LNX1: variants seen among roughly 807,000 people sequenced by gnomAD.
The protein encoded by LNX1 is E3 ubiquitin-protein ligase LNX.
A neutral mutation model predicts 68.4 loss-of-function variants in LNX1; 54 were observed. The ratio of observed to expected loss-of-function variants is 0.79; its 90% CI spans 0.63 to 0.99. The LOEUF (loss-of-function observed/expected upper bound fraction) is 0.99. Ranked by LOEUF, LNX1 falls within the 50% of genes least tolerant of loss-of-function variation. The pLI is 0.00. For synonymous variants in LNX1, 336 were observed against 350.0 expected (o/e 0.96, Z 0.45); for missense variants, 906 against 926.4 (o/e 0.98, Z 0.29).
chr4:53,489,080 T>A (rs764209701), intron 6 of LNX1, among the ~76,000 whole-genome samples: 1 of 152,200 alleles, frequency 6.6e-6, no homozygotes, highest in Non-Finnish European at 1.5e-5. Flanking sequence ...TATTAATTTG[T>A]TTGCCATTGA....
chr4:53,624,380 A>G (rs1478041196), intron 1 of LNX1, among the ~76,000 whole-genome samples: 1 of 152,124 alleles, frequency 6.6e-6, no homozygotes, highest in Non-Finnish European at 1.5e-5. Flanking sequence ...TGATGGTTTT[A>G]TAAGGGGAAA....
chr4:53,622,267 A>C (rs1733909937), upstream of LNX1, among the ~76,000 whole-genome samples: 1 of 152,202 alleles, frequency 6.6e-6, no homozygotes, highest in Non-Finnish European at 1.5e-5. Context: ...ATTTGCAATA[A>C]ATCCAACTTT....
intron 4 of LNX1, among the ~76,000 whole-genome samples, chr4:53,499,515 C>T (rs559787647): frequency 6.6e-6 from 1 of 152,326 alleles, no homozygotes; most frequent in Non-Finnish European, 1.5e-5. Context: ...GGCATAAACT[C>T]TCGCTGTTCC....
intron 4 of LNX1, among the ~76,000 whole-genome samples, chr4:53,502,393 C>G (rs1359836732): frequency 1.3e-5 from 2 of 152,084 alleles, no homozygotes; most frequent in Non-Finnish European, 2.9e-5. Context: ...ACACTGTACT[C>G]TAGTCTATCA....
intron 6 of LNX1, among the ~76,000 whole-genome samples, 187 bp downstream of exon 6, chr4:53,495,836 G>A (rs1189167182): frequency 1.3e-5 from 2 of 152,122 alleles, no homozygotes; most frequent in East Asian, 1.9e-4. Context: ...GGGCCACCAC[G>A]CCCAGCCGAG....
At position 53,570,289 on chromosome 4, in the gene LNX1, A is replaced by G. The variant is rs564565761; in HGVS notation, c.380+3334T>C. Among the ~76,000 whole-genome samples the G allele has an allele frequency of 9.4e-3, 1,400 of 148,946 alleles. 20 individuals are homozygous for G. Among genetic ancestry groups the G allele is most frequent in the African/African-American group, 0.033 (1,301 of 39,860 alleles). On this transcript the variant is annotated intron_variant, in intron 2 of 10. Transcript: ENST00000263925. ...CAAATGTCCAACAATGATAGACTGG[A>G]TTAAGAAAATGTGGCACATATACAC... is the stretch of plus-strand genomic sequence containing the variant.
intron 9 of LNX1, among the ~76,000 whole-genome samples, chr4:53,463,813 C>CTAAG (rs1035249798): frequency 3.3e-5 from 5 of 152,072 alleles, no homozygotes; most frequent in South Asian, 2.1e-4. Context: ...GCTCAAGAAG[C>CTAAG]TAAGTTTTTT....
At position 53,460,915 on chromosome 4, in the gene LNX1, A is replaced by G. The variant is rs1290649580; in HGVS notation, c.2179T>C (p.Phe727Leu). The change falls in exon 11 of 11, where the codon TTT becomes CTT. Residue 727 changes from phenylalanine to leucine, a missense_variant. Phe to Leu is a conservative substitution (Grantham distance 22). Transcript: ENST00000263925. ...CTGACCCATCATTGATTCTATAAAA[A>G]AGTGCCAGGCCAAGAAACAATAGTT... Reference protein sequence around the residue: ...TLTIVSWPGTFL With the variant: ...TLTIVSWPGTLL The G allele has an allele frequency of 6.2e-7, 1 of 1,608,250 alleles. No individual in the cohort carries two copies.
In LNX1 at chr4:53,507,464, G is replaced by A. The variant is rs756281682; in HGVS notation, c.628C>T (p.Pro210Ser). The A allele has an allele frequency of 1.2e-6, 2 of 1,613,960 alleles. No individual in the cohort carries two copies. The highest frequency in any genetic ancestry group is 1.7e-6 in the Non-Finnish European group (2 of 1,179,880). Residue 210 changes from proline (P) to serine (S), a missense_variant, in exon 4 of 11, where the codon CCC becomes TCC. Pro to Ser is a moderately conservative substitution (Grantham distance 74, BLOSUM62 -1). Transcript: ENST00000263925. ...CTTCTAATAGTGGATCTCTCAAAGG[G>A]CCGTGCTGAGGAATAGCGACAGGAG... is the stretch of plus-strand genomic sequence containing the variant. ...SGRSNRTRAR[P>S]FERSTIRSRS...
chr4:53,490,622 A>G (rs948525069), intron 6 of LNX1, among the ~76,000 whole-genome samples: 5 of 152,234 alleles, frequency 3.3e-5, no homozygotes, highest in African/African-American at 4.8e-5. Flanking sequence ...GCAGAAAAAA[A>G]GCTGAATGTG....
chr4:53,459,808 T>A lies in LNX1; in HGVS notation c.*1099A>T. 3.3e-6 allele frequency: 1 copy of A among 304,178 alleles called. No individual in the cohort carries two copies. The highest frequency in any genetic ancestry group is 4.7e-5 in the Admixed American group (1 of 21,108). The allele number at this position is 304,178 out of a possible 1,614,324, so 18.8% of individuals were successfully genotyped here. A position where few individuals can be genotyped will look rare whatever the true frequency, so the allele number is the denominator to read the frequency against. On this transcript the variant is annotated 3_prime_UTR_variant, in exon 11 of 11. Transcript: ENST00000263925. The stretch of plus-strand genomic sequence containing the variant: ...TTTTTTTGTTAATCAAACACCACTC[T>A]CTTAAGAGGCTGCATCACAAAAGGC...
chr4:53,487,622 T>A (rs926579999), intron 6 of LNX1, among the ~76,000 whole-genome samples: 3 of 152,170 alleles, frequency 2.0e-5, no homozygotes, highest in Admixed American at 2.0e-4. Flanking sequence ...AGGCAGACCA[T>A]GTACATAGCT....
intron 1 of LNX1, among the ~76,000 whole-genome samples, chr4:53,644,815 A>G (rs1361408366): frequency 2.0e-5 from 3 of 152,192 alleles, no homozygotes; most frequent in Non-Finnish European, 4.4e-5. Flanking sequence ...CCAGAGAACC[A>G]GTTTGGTGAG....
At chr4:53,529,550 G>A (rs1727873695) in intron 2 of LNX1, among the ~76,000 whole-genome samples, 1 of 152,224 alleles carries the variant, frequency 6.6e-6, no homozygotes, top group South Asian at 2.1e-4. Flanking sequence ...CATCCTGGAA[G>A]AAACAGTCCA....
intron 9 of LNX1, among the ~76,000 whole-genome samples, chr4:53,463,307 C>T (rs1276282108): frequency 1.3e-5 from 2 of 152,090 alleles, no homozygotes; most frequent in Non-Finnish European, 2.9e-5. Context: ...ACAAAATCCC[C>T]TGCCCTCCTG....
At chr4:53,523,617 A>C (rs1231358789) in intron 2 of LNX1, among the ~76,000 whole-genome samples, 1 of 152,198 alleles carries the variant, frequency 6.6e-6, no homozygotes, top group East Asian at 1.9e-4. Context: ...TGATATGCAC[A>C]TCTCATGTGA....
chr4:53,645,746 G>A (rs4864809), intron 1 of LNX1, among the ~76,000 whole-genome samples: 64,754 of 151,896 alleles, frequency 0.43, 14,636 homozygotes, highest in East Asian at 0.58. Context: ...TTTAGTTTAG[G>A]TGAAGTATGC....
rs1577666890 is a variant in LNX1, at chr4:53,529,136, A to ACACACACACACAC, written c.381-20910_381-20909insGTGTGTGTGTGTG. ...ACACACACACACACACACACACACA[A>ACACACACACACAC]ACACATGCACACACAGAAAACAACA... On this transcript the variant is annotated intron_variant, in intron 2 of 10. Coordinates refer to ENST00000263925, the MANE Select transcript of LNX1 (RefSeq NM_001126328.3). Among the ~76,000 whole-genome samples, 17 of 50,904 alleles carry ACACACACACACAC rather than the reference A, an allele frequency of 3.3e-4. No homozygotes were observed. The East Asian group carries it at 5.3e-3, about 16-fold the overall frequency. The allele number at this position is 50,904 out of a possible 152,430, so 33.4% of individuals were successfully genotyped here.
At chr4:53,555,446 C>G (rs1729841563) in intron 2 of LNX1, among the ~76,000 whole-genome samples, 1 of 152,168 alleles carries the variant, frequency 6.6e-6, no homozygotes, top group Non-Finnish European at 1.5e-5. Context: ...CCAACATGGA[C>G]AATCTCTACC....
Sources: allele counts gnomAD v4.1 joint callset (sites outside exome capture counted in the v4.1 genomes callset), GRCh38; gene constraint gnomAD v4.1.1; transcripts MANE v1.5; gene names NCBI Gene and HGNC (gene_info 2026-07-23, HGNC 2026-07-21).